Variants in OR51B5 observed in about 807,000 individuals in gnomAD.
OR51B5 encodes the protein olfactory receptor 51B5.
For synonymous variants in OR51B5, 186 were observed against 144.8 expected (o/e 1.28, Z -2.04); for missense variants, 456 against 374.6 (o/e 1.22, Z -1.79).
At chr11:5,352,557 G>A in intron 1 of OR51B5, 1 of 675,924 alleles carries the variant, frequency 1.5e-6, no homozygotes, top group Non-Finnish European at 2.5e-6. Context: ...ATCAATCCCT[G>A]AGCATTTCAG....
intron 1 of OR51B5, chr11:5,454,367 C>T (rs11037503): frequency 0.34 from 554,963 of 1,613,074 alleles, 102,734 homozygotes; most frequent in Non-Finnish European, 0.38. Flanking sequence ...TCATTTATAG[C>T]GCCAAGACAA....
chr11:5,384,077 C>T (rs1418732812), intron 1 of OR51B5, among the ~76,000 whole-genome samples: 1 of 152,166 alleles, frequency 6.6e-6, no homozygotes, highest in East Asian at 1.9e-4. Context: ...AGGCTTTTCC[C>T]CCAAATGTTT....
Position 5,436,825 on chromosome 11 carries a change from A to G in OR51B5, n.84+68744T>C, listed in dbSNP as rs188473993. ...CTTATTGTATACATACCTCAAAGAC[A>G]CAGACTGATCAAAGTGTCTTGATCA... On this transcript the variant is annotated intron_variant and non_coding_transcript_variant, in intron 1 of 4. Coordinates refer to the OR51B5 transcript ENST00000415970. 5.6e-3 allele frequency among the ~76,000 whole-genome samples: 855 copies of G among 152,314 alleles called. 6 individuals are homozygous for G. The highest frequency in any genetic ancestry group is 0.02 in the African/African-American group (815 of 41,572).
chr11:5,454,415 C>T (rs1365812731), intron 1 of OR51B5: 19 of 1,605,224 alleles, frequency 1.2e-5, no homozygotes, highest in Non-Finnish European at 1.4e-5. Flanking sequence ...TGTTTCACCA[C>T]ATCAAAATAT....
intron 1 of OR51B5, among the ~76,000 whole-genome samples, chr11:5,503,566 A>G (rs1397424650): frequency 2.6e-5 from 4 of 152,232 alleles, no homozygotes; most frequent in African/African-American, 7.2e-5. Flanking sequence ...GACATCTGCT[A>G]TAAAGTGTAC....
chr11:5,365,395 T>C (rs887833230), intron 1 of OR51B5, among the ~76,000 whole-genome samples: 2 of 152,080 alleles, frequency 1.3e-5, no homozygotes, highest in Admixed American at 6.5e-5. Context: ...TAACCAAATA[T>C]GGGATGAGAG....
At chr11:5,379,702 C>T (rs74494837) in intron 1 of OR51B5, among the ~76,000 whole-genome samples, 35,941 of 148,284 alleles carry the variant, frequency 0.24, 4,464 homozygotes, top group Non-Finnish European at 0.27. Flanking sequence ...ATTTTATGTC[C>T]AGATGTTGAA....
intron 1 of OR51B5, among the ~76,000 whole-genome samples, chr11:5,379,693 T>TTTCC (rs1849581191): frequency 6.6e-6 from 1 of 151,460 alleles, no homozygotes; most frequent in Admixed American, 6.6e-5. Flanking sequence ...AATTAATAGA[T>TTTCC]TTTATGTCCA....
intron 1 of OR51B5, among the ~76,000 whole-genome samples, chr11:5,368,552 A>G (rs2133704616): frequency 6.6e-6 from 1 of 152,326 alleles, no homozygotes; most frequent in Admixed American, 6.5e-5. Flanking sequence ...AGCTCTGACA[A>G]AGAAAATAAA....
chr11:5,352,025 C>T lies in OR51B5; in HGVS notation n.85-5115G>A, dbSNP rs551699818. The T allele has an allele frequency of 1.2e-5, 20 of 1,613,918 alleles. No homozygotes were observed. In the South Asian group the frequency reaches 2.0e-4, roughly 16 times the overall value. Reference sequence around the variant, plus strand: ...CCCTACTGTCGATCCCATGTACTCTCCCATGCTTTCTGTCTACACCAAGAT... The same window carrying T: ...CCCTACTGTCGATCCCATGTACTCTTCCATGCTTTCTGTCTACACCAAGAT... On this transcript the variant is annotated intron_variant and non_coding_transcript_variant, in intron 1 of 4. Transcript: ENST00000415970.
intron 1 of OR51B5, among the ~76,000 whole-genome samples, chr11:5,465,077 G>T (rs1359191910): frequency 6.6e-6 from 1 of 150,614 alleles, no homozygotes; most frequent in African/African-American, 2.4e-5. Context: ...GTAGTGGCGG[G>T]CGCCTGTAGT....
At chr11:5,499,875 A>C (rs1035976222) in intron 1 of OR51B5, among the ~76,000 whole-genome samples, 1 of 152,230 alleles carries the variant, frequency 6.6e-6, no homozygotes. Context: ...TCATTTCACT[A>C]TCTTAATTAA....
intron 1 of OR51B5, chr11:5,422,670 C>A: frequency 6.2e-7 from 1 of 1,613,998 alleles, no homozygotes; most frequent in Non-Finnish European, 8.5e-7. Context: ...TGTGTTCTGG[C>A]GGTTCTTCCC....
chr11:5,374,777 T>C (rs1279049378), intron 1 of OR51B5, among the ~76,000 whole-genome samples: 2 of 151,908 alleles, frequency 1.3e-5, no homozygotes, highest in East Asian at 1.9e-4. Context: ...AAGGGAAGTT[T>C]AGAGAAAAAA....
intron 1 of OR51B5, chr11:5,422,086 C>A: frequency 1.2e-6 from 1 of 856,284 alleles, no homozygotes; most frequent in Non-Finnish European, 1.8e-6. Context: ...CCCTCAACAA[C>A]TCTGAACATT....
At chr11:5,413,863 G>A (rs1206617543) in intron 1 of OR51B5, among the ~76,000 whole-genome samples, 2 of 151,388 alleles carry the variant, frequency 1.3e-5, no homozygotes, top group African/African-American at 4.9e-5. Context: ...CACTCTGCAG[G>A]ATATTATCCA....
At chr11:5,414,257 T>G (rs867014667) in intron 1 of OR51B5, among the ~76,000 whole-genome samples, 2,044 of 151,586 alleles carry the variant, frequency 0.013, 41 homozygotes, top group African/African-American at 0.047. Flanking sequence ...CCACCAGGTC[T>G]GCCCTAGAAG....
At chr11:5,412,564 T>G (rs1476035557) in intron 1 of OR51B5, among the ~76,000 whole-genome samples, 1 of 152,326 alleles carries the variant, frequency 6.6e-6, no homozygotes, top group East Asian at 1.9e-4. Flanking sequence ...AGATGGCACC[T>G]GGAAAATCGG....
At chr11:5,469,423 C>G (rs1851191645) in intron 1 of OR51B5, 1 of 152,232 alleles carries the variant, frequency 6.6e-6, no homozygotes, top group Admixed American at 6.5e-5. Flanking sequence ...AGCCCCCCAT[C>G]AGGGTTTCTG....
Sources: gnomAD v4.1 joint callset for allele counts (sites outside exome capture counted in the v4.1 genomes callset) on GRCh38, gnomAD v4.1.1 for gene constraint, MANE v1.5 for transcripts, NCBI Gene and HGNC (gene_info 2026-07-23, HGNC 2026-07-21) for gene names.